UNC5D: variants seen among roughly 807,000 people sequenced by gnomAD.
UNC5D encodes netrin receptor UNC5D.
UNC5D carries 39 observed loss-of-function variants against 105.4 expected under a neutral mutation model. The observed-to-expected ratio is 0.37, with a 90% CI of 0.29 to 0.48. The LOEUF (loss-of-function observed/expected upper bound fraction) is 0.48, where lower values mean the gene tolerates loss of function less well. Ranked by LOEUF, UNC5D falls within the 20% of genes least tolerant of loss-of-function variation. The pLI, the probability that UNC5D is intolerant of heterozygous loss-of-function variation, is 0.98. For synonymous variants in UNC5D, 452 were observed against 450.4 expected, an observed-to-expected ratio of 1.00 and a Z score of -0.04; for missense variants, 991 against 1,202.4, an observed-to-expected ratio of 0.82 and a Z score of 2.60.
At chr8:35,466,827 A>G (rs951803349) in intron 1 of UNC5D, among the ~76,000 whole-genome samples, 1 of 152,210 alleles carries the variant, frequency 6.6e-6, no homozygotes, top group Non-Finnish European at 1.5e-5. Flanking sequence ...TCTAGACAGC[A>G]CAACTGCATG....
chr8:35,742,853 G>A (rs1829827556), intron 11 of UNC5D, among the ~76,000 whole-genome samples: 1 of 152,168 alleles, frequency 6.6e-6, no homozygotes, highest in Admixed American at 6.5e-5. Flanking sequence ...TAGGATGTTA[G>A]GTACTACGTG....
chr8:35,413,504 C>G (rs1424234303), intron 1 of UNC5D, among the ~76,000 whole-genome samples: 1 of 150,148 alleles, frequency 6.7e-6, no homozygotes, highest in African/African-American at 2.5e-5. Flanking sequence ...GTAAAAATAG[C>G]AGCTGTTGGT....
At chr8:35,593,045 A>T (rs1175360020) in intron 3 of UNC5D, among the ~76,000 whole-genome samples, 1 of 131,826 alleles carries the variant, frequency 7.6e-6, no homozygotes, top group Non-Finnish European at 1.5e-5. Context: ...AGTAGTTTTT[A>T]TACACACACA....
At chr8:35,482,769 A>G (rs1810562011) in intron 1 of UNC5D, among the ~76,000 whole-genome samples, 1 of 138,620 alleles carries the variant, frequency 7.2e-6, no homozygotes, top group African/African-American at 2.7e-5. Flanking sequence ...ACAATTACTT[A>G]TATCAGTGTG....
chr8:35,323,077 G>A (rs2950922), intron 1 of UNC5D, among the ~76,000 whole-genome samples: 134,123 of 152,084 alleles, frequency 0.88, 59,273 homozygotes, highest in East Asian at 1. Context: ...ATATTTAGGT[G>A]AAAAGGTAAA....
intron 1 of UNC5D, among the ~76,000 whole-genome samples, chr8:35,326,960 A>C (rs950129531): frequency 3.3e-4 from 50 of 152,200 alleles, no homozygotes; most frequent in African/African-American, 1.1e-3. Flanking sequence ...CATCATATTT[A>C]ATTTGTTTTA....
At chr8:35,735,870 T>C (rs140169108) in intron 11 of UNC5D, among the ~76,000 whole-genome samples, 44 of 152,352 alleles carry the variant, frequency 2.9e-4, no homozygotes, top group Middle Eastern at 6.8e-3. Flanking sequence ...CTTGGACTAT[T>C]TGAGAGGACC....
intron 4 of UNC5D, among the ~76,000 whole-genome samples, chr8:35,643,526 T>G (rs573813059): frequency 6.6e-6 from 1 of 152,102 alleles, no homozygotes; most frequent in African/African-American, 2.4e-5. Flanking sequence ...CATATTAGTA[T>G]TTTTAGTAGA....
intron 7 of UNC5D, among the ~76,000 whole-genome samples, chr8:35,689,412 TTA>T (rs1388505585): frequency 6.6e-6 from 1 of 152,196 alleles, no homozygotes; most frequent in Non-Finnish European, 1.5e-5. Flanking sequence ...AGATGCTGTA[TTA>T]GTCAGGGTTC....
intron 8 of UNC5D, among the ~76,000 whole-genome samples, chr8:35,716,818 T>C (rs1828273857): frequency 6.6e-6 from 1 of 152,224 alleles, no homozygotes; most frequent in African/African-American, 2.4e-5. Context: ...TAAAAGCTAT[T>C]TTCTGATGCA....
intron 1 of UNC5D, among the ~76,000 whole-genome samples, chr8:35,468,940 T>C (rs550778542): frequency 6.6e-5 from 10 of 152,238 alleles, no homozygotes; most frequent in African/African-American, 9.6e-5. Context: ...CCCTTGCTAA[T>C]TGGAGTTAGA....
intron 1 of UNC5D, among the ~76,000 whole-genome samples, chr8:35,326,355 G>A (rs1377217931): frequency 3.3e-5 from 5 of 152,134 alleles, no homozygotes; most frequent in Non-Finnish European, 7.3e-5. Context: ...CAAAGCACGT[G>A]GTTGGAAACC....
At chr8:35,437,059 C>T (rs887724711) in intron 1 of UNC5D, among the ~76,000 whole-genome samples, 3 of 151,774 alleles carry the variant, frequency 2.0e-5, no homozygotes, top group Non-Finnish European at 4.4e-5. Context: ...CGGCTAGTCT[C>T]GAACCACTGG....
intron 4 of UNC5D, among the ~76,000 whole-genome samples, chr8:35,612,825 G>C (rs1295209402): frequency 1.4e-5 from 2 of 141,556 alleles, no homozygotes; most frequent in African/African-American, 5.4e-5. Flanking sequence ...TGGGACACAT[G>C]GATATCTGTC....
At chr8:35,678,933 G>A (rs1005150774) in intron 4 of UNC5D, among the ~76,000 whole-genome samples, 2 of 151,886 alleles carry the variant, frequency 1.3e-5, no homozygotes, top group East Asian at 3.9e-4. Context: ...ATAATGACGA[G>A]TACAAATGAT....
intron 1 of UNC5D, among the ~76,000 whole-genome samples, chr8:35,384,212 C>T (rs1803232801): frequency 6.7e-6 from 1 of 149,268 alleles, no homozygotes; most frequent in Non-Finnish European, 1.5e-5. Context: ...GAGCAAGACT[C>T]CATTTCAAAA....
At chr8:35,650,270 C>T (rs1823323908) in intron 4 of UNC5D, among the ~76,000 whole-genome samples, 1 of 152,090 alleles carries the variant, frequency 6.6e-6, no homozygotes, top group African/African-American at 2.4e-5. Flanking sequence ...TGTTGTGAGC[C>T]TTGTTGATGT....
chr8:35,355,910 C>T (rs942041390), intron 1 of UNC5D, among the ~76,000 whole-genome samples: 14 of 152,106 alleles, frequency 9.2e-5, no homozygotes, highest in Admixed American at 3.3e-4. Flanking sequence ...GAGATGGGGC[C>T]CTCACCAGAC....
intron 1 of UNC5D, among the ~76,000 whole-genome samples, chr8:35,292,948 C>T (rs1328542652): frequency 6.6e-6 from 1 of 151,986 alleles, no homozygotes; most frequent in Non-Finnish European, 1.5e-5. Flanking sequence ...CCTCGGCCTT[C>T]CAAATTGCTG....
Sources: allele counts gnomAD v4.1 joint callset (sites outside exome capture counted in the v4.1 genomes callset), GRCh38; gene constraint gnomAD v4.1.1; transcripts MANE v1.5; gene names NCBI Gene and HGNC (gene_info 2026-07-23, HGNC 2026-07-21).